Variants in SIPA1L1 observed in about 807,000 individuals in gnomAD.
The protein encoded by SIPA1L1 is signal induced proliferation associated 1 like 1.
SIPA1L1 carries 26 observed loss-of-function variants against 162.7 expected under a neutral mutation model. The ratio of observed to expected loss-of-function variants is 0.16; its 90% CI spans 0.12 to 0.22. The LOEUF (loss-of-function observed/expected upper bound fraction) is 0.22. Among genes scored for constraint, SIPA1L1 ranks in the 10% least tolerant of loss-of-function variants. The pLI is 1.00. For synonymous variants in SIPA1L1, 829 were observed against 837.4 expected (o/e 0.99, Z 0.17); for missense variants, 1,874 against 2,241.0 (o/e 0.84, Z 3.31).
intron 5 of SIPA1L1, among the ~76,000 whole-genome samples, chr14:71,603,010 G>GT (rs1046348170): frequency 3.1e-4 from 47 of 152,226 alleles, no homozygotes; most frequent in African/African-American, 1.1e-3. Flanking sequence ...ATCTAATAAT[G>GT]TTTTGTTTAT....
intron 2 of SIPA1L1, among the ~76,000 whole-genome samples, chr14:71,436,973 A>T (rs1365482345): frequency 6.6e-6 from 1 of 151,758 alleles, no homozygotes; most frequent in African/African-American, 2.4e-5. Context: ...ACCGTCTTAG[A>T]CAGGGTGGTC....
At chr14:71,610,648 ATTT>A (rs1193707539) in intron 5 of SIPA1L1, among the ~76,000 whole-genome samples, 9 of 152,270 alleles carry the variant, frequency 5.9e-5, no homozygotes, top group African/African-American at 2.2e-4. Flanking sequence ...TTTAAAAATA[ATTT>A]TTTTATGTAC....
At chr14:71,461,518 A>G (rs2046601936) in intron 2 of SIPA1L1, among the ~76,000 whole-genome samples, 1 of 152,210 alleles carries the variant, frequency 6.6e-6, no homozygotes, top group Non-Finnish European at 1.5e-5. Flanking sequence ...GAGCACTCAC[A>G]TGGGATACAA....
intron 2 of SIPA1L1, among the ~76,000 whole-genome samples, chr14:71,466,904 C>A (rs1256612062): frequency 6.6e-6 from 1 of 152,168 alleles, no homozygotes; most frequent in African/African-American, 2.4e-5. Flanking sequence ...GTAGTTCTCT[C>A]CATTTAATTG....
At chr14:71,333,301 C>T (rs2034757853) in intron 2 of SIPA1L1, among the ~76,000 whole-genome samples, 1 of 152,142 alleles carries the variant, frequency 6.6e-6, no homozygotes, top group South Asian at 2.1e-4. Flanking sequence ...TCACTGAATG[C>T]AGAACAGTCA....
rs1198342838 is a variant in SIPA1L1 at position 71,722,819 on chromosome 14, TC to T, written c.4209-827del. Among the ~76,000 whole-genome samples the T allele has an allele frequency of 2.0e-5, 3 of 152,200 alleles. No individual in the cohort carries two copies. In the East Asian group the frequency reaches 5.8e-4, roughly 29 times the overall value. ...GGCGTGATCTTGGCTCACCACAACT[TC>T]TGCCTCCCGGGTTCAAGCGATTCTC... is the stretch of plus-strand genomic sequence containing the variant. On this transcript the variant is annotated intron_variant, in intron 17 of 23. Transcript: ENST00000381232.
intron 19 of SIPA1L1, among the ~76,000 whole-genome samples, chr14:71,726,238 A>C (rs1430275075): frequency 1.3e-5 from 2 of 152,258 alleles, no homozygotes; most frequent in African/African-American, 4.8e-5. Flanking sequence ...CTCATAAGCC[A>C]GCACTTAACA....
intron 17 of SIPA1L1, 83 bp downstream of exon 17, chr14:71,709,747 T>C (rs2082728225): frequency 8.5e-7 from 1 of 1,173,642 alleles, no homozygotes; most frequent in East Asian, 2.4e-5. Flanking sequence ...CTTTGCTCAA[T>C]AGTGTATAAG....
At position 71,540,414 on chromosome 14, in the gene SIPA1L1, C is replaced by T. The variant is rs1345877556; in HGVS notation, c.-303+11044C>T. On this transcript the variant is annotated intron_variant, in intron 4 of 23. Transcript: ENST00000381232. ...AAAGTACAGCTAAGCCTGGTGGTGGCTCATGTCTGTAATCCCAGCACCTTG... is the reference window on the plus strand; with the variant it reads ...AAAGTACAGCTAAGCCTGGTGGTGGTTCATGTCTGTAATCCCAGCACCTTG... 2.0e-5 allele frequency among the ~76,000 whole-genome samples: 3 copies of T among 152,270 alleles called. No homozygotes were observed. The East Asian group carries it at 5.8e-4, about 29-fold the overall frequency.
intron 2 of SIPA1L1, among the ~76,000 whole-genome samples, 154 bp from the exon 3 acceptor site, chr14:71,512,585 CAAAA>C (rs550540510): frequency 2.2e-5 from 1 of 46,406 alleles, no homozygotes; most frequent in Non-Finnish European, 4.0e-5. Context: ...GACTCTGTCT[CAAAA>C]AAAAAAAAAA....
At chr14:71,604,697 T>C (rs140481396) in intron 5 of SIPA1L1, among the ~76,000 whole-genome samples, 9 of 152,232 alleles carry the variant, frequency 5.9e-5, no homozygotes, top group Non-Finnish European at 8.8e-5. Flanking sequence ...TTCTTTTTTT[T>C]CCCCAGCACT....
chr14:71,703,333 A>G (rs2082222684), intron 15 of SIPA1L1, among the ~76,000 whole-genome samples: 1 of 152,224 alleles, frequency 6.6e-6, no homozygotes, highest in Non-Finnish European at 1.5e-5. Context: ...GACAAGACCC[A>G]TCTGTTAATC....
chr14:71,367,274 T>G (rs534607177), intron 2 of SIPA1L1, among the ~76,000 whole-genome samples: 1 of 152,114 alleles, frequency 6.6e-6, no homozygotes, highest in East Asian at 1.9e-4. Flanking sequence ...ATTTTTCACT[T>G]TTATAAAAAA....
intron 2 of SIPA1L1, among the ~76,000 whole-genome samples, chr14:71,468,160 T>G (rs2047176243): frequency 6.6e-6 from 1 of 152,118 alleles, no homozygotes; most frequent in South Asian, 2.1e-4. Flanking sequence ...AGTAACTTTC[T>G]TGAGTATTGT....
At chr14:71,583,413 G>A (rs1256495744) in intron 4 of SIPA1L1, among the ~76,000 whole-genome samples, 1 of 152,160 alleles carries the variant, frequency 6.6e-6, no homozygotes, top group Non-Finnish European at 1.5e-5. Flanking sequence ...TTGTATTTTA[G>A]GCTGTACCAG....
At chr14:71,345,128 C>A (rs1276024415) in intron 2 of SIPA1L1, among the ~76,000 whole-genome samples, 2 of 152,008 alleles carry the variant, frequency 1.3e-5, no homozygotes, top group South Asian at 4.1e-4. Flanking sequence ...CAGGAGGAGT[C>A]AATTTGGGTA....
At position 71,663,159 on chromosome 14, in the gene SIPA1L1, T is replaced by TATA. The variant is rs2043686717; in HGVS notation, c.2255+1692_2255+1693insATA. On this transcript the variant is annotated intron_variant, in intron 10 of 23. Coordinates refer to ENST00000381232, the MANE Select transcript of SIPA1L1 (RefSeq NM_001386936.1). Reference sequence around the variant, plus strand: ...AGTGCCAAGATATAGATGAAATTAATGTTGACACTGTTTTTGACCAATTTA... The same window carrying TATA: ...AGTGCCAAGATATAGATGAAATTAATATAGTTGACACTGTTTTTGACCAATTTA... Among the ~76,000 whole-genome samples, 3 of 152,240 alleles carry TATA rather than the reference T, an allele frequency of 2.0e-5. No individual in the cohort carries two copies. The South Asian group carries it at 6.2e-4, about 32-fold the overall frequency.
intron 5 of SIPA1L1, among the ~76,000 whole-genome samples, chr14:71,590,178 C>T (rs780718538): frequency 2.4e-4 from 36 of 150,132 alleles, no homozygotes; most frequent in Non-Finnish European, 4.7e-4. Flanking sequence ...TGTGATTTAC[C>T]GAAAAGTAAG....
At chr14:71,388,782 G>C (rs77967822) in intron 2 of SIPA1L1, among the ~76,000 whole-genome samples, 3,239 of 152,258 alleles carry the variant, frequency 0.021, 114 homozygotes, top group African/African-American at 0.074. Context: ...CTTAAAGCTG[G>C]CCAGATTTAT....
Sources: allele counts gnomAD v4.1 joint callset (sites outside exome capture counted in the v4.1 genomes callset), GRCh38; gene constraint gnomAD v4.1.1; transcripts MANE v1.5; gene names NCBI Gene and HGNC (gene_info 2026-07-23, HGNC 2026-07-21).